The following AMY2B variants were observed in gnomAD, a reference collection of about 807,000 sequenced individuals.
AMY2B encodes amylase alpha 2B.
A neutral mutation model predicts 59.3 loss-of-function variants in AMY2B; 63 were observed. The ratio of observed to expected loss-of-function variants is 1.06; its 90% CI spans 0.87 to 1.31. The LOEUF is 1.31. Ranked by LOEUF, AMY2B falls within the 50% of genes most tolerant of loss-of-function variation. The pLI is 0.00. For synonymous variants in AMY2B, 180 were observed against 198.1 expected (o/e 0.91, Z 0.77); for missense variants, 635 against 626.7 (o/e 1.01, Z -0.14).
upstream of AMY2B, chr1:103,571,016 C>A: frequency 2.6e-6 from 1 of 381,928 alleles, no homozygotes; most frequent in Non-Finnish European, 4.5e-6. Context: ...CTGATCTGTG[C>A]AGGGTATTAA....
Position 103,555,449 on chromosome 1 carries a change from C to A in AMY2B, c.-207+340C>A, listed in dbSNP as rs370902553. On this transcript the variant is annotated intron_variant, in intron 1 of 11. Coordinates refer to the AMY2B transcript ENST00000361355. ...TATATTTGTCTGGCTTTGAGTTTTA[C>A]TGGGCTTTTGGTTTTTTGGAAATGG... Among the ~76,000 whole-genome samples, 4 of 151,810 alleles carry A rather than the reference C, an allele frequency of 2.6e-5. No individual in the cohort carries two copies. The East Asian group carries it at 7.7e-4, about 29-fold the overall frequency.
chr1:103,567,066 G>C (rs932549152), upstream of AMY2B, among the ~76,000 whole-genome samples: 2 of 152,030 alleles, frequency 1.3e-5, no homozygotes, highest in African/African-American at 4.8e-5. Context: ...ACTTACAAAA[G>C]AAGTCAAATA....
At chr1:103,560,063 C>T (rs1651684471) in intron 1 of AMY2B, among the ~76,000 whole-genome samples, 1 of 151,846 alleles carries the variant, frequency 6.6e-6, no homozygotes, top group Non-Finnish European at 1.5e-5. Context: ...TTTTTTATTT[C>T]AATCCTTTAA....
chr1:103,576,334 C>G (rs1011866196), intron 7 of AMY2B, among the ~76,000 whole-genome samples: 1 of 152,128 alleles, frequency 6.6e-6, no homozygotes, highest in Non-Finnish European at 1.5e-5. Context: ...TGTATAGCAA[C>G]TGATTCTATT....
intron 7 of AMY2B, among the ~76,000 whole-genome samples, chr1:103,576,595 T>C (rs1208421002): frequency 6.6e-6 from 1 of 152,114 alleles, no homozygotes; most frequent in Non-Finnish European, 1.5e-5. Context: ...TTAATTAAGA[T>C]TTTTTAAAGT....
At chr1:103,565,851 G>C (rs1357182393) in intron 2 of AMY2B, among the ~76,000 whole-genome samples, 1 of 152,080 alleles carries the variant, frequency 6.6e-6, no homozygotes, top group African/African-American at 2.4e-5. Context: ...TCCTAATTCA[G>C]ATTTCTGTCA....
At chr1:103,578,788 G>A (rs1652461310) in intron 9 of AMY2B, among the ~76,000 whole-genome samples, 2 of 139,960 alleles carry the variant, frequency 1.4e-5, no homozygotes, top group South Asian at 4.6e-4. Context: ...ACCTTATGGG[G>A]AAAAAAGGAG....
upstream of AMY2B, chr1:103,571,391 A>G (rs1570645071): frequency 3.4e-6 from 4 of 1,193,586 alleles, no homozygotes; most frequent in Non-Finnish European, 4.6e-6. Flanking sequence ...AACCAAAAAA[A>G]CATTAATTTC....
rs761425295 is a variant in AMY2B at position 103,577,735 on chromosome 1, C to T, written c.1236C>T (p.Phe412=). Residue 412 remains phenylalanine (F), a synonymous_variant, in exon 9 of 10, where the codon TTC becomes TTT. Transcript: ENST00000684275. ...RWRQIRNMVN[F]RNVVDGQPFT... is the part of the protein sequence containing the mutation. Reference sequence around the variant, plus strand: ...GTGTTTTTAGGAACATGGTTAATTTCCGCAATGTAGTGGATGGCCAGCCTT... The same window carrying T: ...GTGTTTTTAGGAACATGGTTAATTTTCGCAATGTAGTGGATGGCCAGCCTT... 4.3e-6 allele frequency: 7 copies of T among 1,611,108 alleles called. No individual in the cohort carries two copies. The East Asian group carries it at 1.1e-4, about 26-fold the overall frequency.
At chr1:103,569,273 CTATA>C (rs1333268565), upstream of AMY2B, 1 of 148,566 alleles carries the variant, frequency 6.7e-6, no homozygotes, top group African/African-American at 2.5e-5. Flanking sequence ...CACACAGAGT[CTATA>C]TATACATACA....
intron 1 of AMY2B, among the ~76,000 whole-genome samples, chr1:103,561,384 C>G (rs1651729586): frequency 6.6e-6 from 1 of 152,124 alleles, no homozygotes; most frequent in African/African-American, 2.4e-5. Flanking sequence ...TCTCCTGCCT[C>G]TGCCTCCTAA....
At chr1:103,576,962 G>A (rs1173192532) in intron 7 of AMY2B, among the ~76,000 whole-genome samples, 1 of 152,222 alleles carries the variant, frequency 6.6e-6, no homozygotes, top group African/African-American at 2.4e-5. Context: ...CAGGCCAGGT[G>A]CTGTGGCTCA....
intron 7 of AMY2B, 78 bp downstream of exon 7, chr1:103,575,618 A>G (rs1488834163): frequency 2.5e-5 from 40 of 1,569,534 alleles, no homozygotes; most frequent in Non-Finnish European, 3.3e-5. Context: ...TATGACAACT[A>G]TTAATTATAT....
In AMY2B at chr1:103,576,028, A is replaced by C. The variant is rs1324962152; in HGVS notation, c.1101+488A>C. ...GGAAAAGTATCTAATAAGAGGAAGG[A>C]AATTATATGTACTAAAGAATGGAAA... On this transcript the variant is annotated intron_variant, in intron 7 of 9. Coordinates refer to ENST00000684275, the MANE Select transcript of AMY2B (RefSeq NM_001387437.1). Among the ~76,000 whole-genome samples the C allele has an allele frequency of 4.6e-5, 7 of 152,208 alleles. No homozygotes were observed. The South Asian group carries it at 6.2e-4, about 13-fold the overall frequency.
chr1:103,559,394 A>C (rs1557765035), intron 1 of AMY2B, among the ~76,000 whole-genome samples: 2 of 152,192 alleles, frequency 1.3e-5, no homozygotes, highest in African/African-American at 4.8e-5. Context: ...ACATTTGCAC[A>C]GTGGCTTAAT....
At chr1:103,557,568 C>G (rs903616434) in intron 1 of AMY2B, among the ~76,000 whole-genome samples, 3 of 151,578 alleles carry the variant, frequency 2.0e-5, no homozygotes, top group African/African-American at 7.3e-5. Context: ...GCAGGAGAAT[C>G]ATTTGAACCC....
At chr1:103,575,078 A>G in intron 5 of AMY2B, 145 bp from the exon 6 acceptor site, 3 of 901,632 alleles carry the variant, frequency 3.3e-6, no homozygotes, top group Non-Finnish European at 4.7e-6. Context: ...ATATATATAT[A>G]TATATATCTT....
intron 1 of AMY2B, chr1:103,555,301 A>T (rs912434434): frequency 6.6e-6 from 1 of 151,566 alleles, no homozygotes; most frequent in African/African-American, 2.4e-5. Context: ...TATTATAAAA[A>T]ATATATATAA....
intron 1 of AMY2B, among the ~76,000 whole-genome samples, chr1:103,560,728 T>G (rs1196837978): frequency 6.6e-6 from 1 of 152,208 alleles, no homozygotes; most frequent in African/African-American, 2.4e-5. Context: ...CTTCTGTATT[T>G]TTAATCCTCC....
Sources: gnomAD v4.1 joint callset for allele counts (sites outside exome capture counted in the v4.1 genomes callset) on GRCh38, gnomAD v4.1.1 for gene constraint, MANE v1.5 for transcripts, NCBI Gene and HGNC (gene_info 2026-07-23, HGNC 2026-07-21) for gene names.